PACRGL: variants seen among roughly 807,000 people sequenced by gnomAD.
PACRGL encodes parkin coregulated like, also known as PACRG-like protein.
PACRGL carries 38 observed loss-of-function variants against 34.5 expected under a neutral mutation model. The ratio of observed to expected loss-of-function variants is 1.10; its 90% confidence interval spans 0.85 to 1.44. The LOEUF (loss-of-function observed/expected upper bound fraction) is 1.44, where lower values mean the gene tolerates loss of function less well. Ranked by LOEUF, PACRGL falls within the 40% of genes most tolerant of loss-of-function variation. The probability of loss-of-function intolerance (pLI) is 0.00; values close to 1 mark genes in which losing one functional copy is unlikely to be tolerated. For synonymous variants in PACRGL, 128 were observed against 100.1 expected (o/e 1.28, Z -1.66); for missense variants, 305 against 281.4 (o/e 1.08, Z -0.60).
intron 7 of PACRGL, among the ~76,000 whole-genome samples, chr4:20,724,044 T>C (rs962244918): frequency 2.6e-5 from 4 of 152,212 alleles, no homozygotes; most frequent in Non-Finnish European, 5.9e-5. Flanking sequence ...ATTATTCTTC[T>C]AGAAAAAGTT....
intron 1 of PACRGL, chr4:20,701,598 A>G (rs73240221): frequency 0.041 from 11,675 of 282,238 alleles, 336 homozygotes; most frequent in Middle Eastern, 0.059. Context: ...AGGGTTACCA[A>G]GGATAAGATT....
In PACRGL at chr4:20,741,127, C is replaced by CT. The variant is rs535180020; in HGVS notation, c.*57-11435dup. ...ACTCCCACACAATAATAATGGGAGG[C>CT]TTTAACACCCCACTGTCAGCATTAC... On this transcript the variant is annotated intron_variant, in intron 8 of 8. Transcript: ENST00000507634. Among the ~76,000 whole-genome samples, 354 of 152,250 alleles carry CT rather than the reference C, an allele frequency of 2.3e-3. 8 individuals carry two copies. In the South Asian group the frequency reaches 0.046, roughly 20 times the overall value.
upstream of PACRGL, among the ~76,000 whole-genome samples, chr4:20,696,995 TA>T (rs1731271380): frequency 6.6e-6 from 1 of 152,210 alleles, no homozygotes; most frequent in African/African-American, 2.4e-5. Flanking sequence ...TTTCCACCTT[TA>T]AAAAATATGC....
downstream of PACRGL, among the ~76,000 whole-genome samples, chr4:20,754,444 G>A (rs907499665): frequency 6.6e-6 from 1 of 152,120 alleles, no homozygotes; most frequent in African/African-American, 2.4e-5. Context: ...ATGACTCCGT[G>A]GAAGTGTAAG....
chr4:20,713,854 C>T (rs554227587), intron 7 of PACRGL, among the ~76,000 whole-genome samples: 1 of 152,286 alleles, frequency 6.6e-6, no homozygotes, highest in African/African-American at 2.4e-5. Flanking sequence ...GCACTGTGGT[C>T]TGAGAGACAA....
In PACRGL at chr4:20,709,669, C is replaced by T; in HGVS notation, c.276-14C>T. 1 of 1,530,728 alleles carries T rather than the reference C, an allele frequency of 6.5e-7. No individual in the cohort carries two copies. The highest frequency in any genetic ancestry group is 2.3e-5 in the East Asian group (1 of 44,154). 94.8% of individuals were successfully genotyped at this position (1,530,728 alleles called of 1,614,324 possible). ...ATATTTTTCTTGTTGCATTCACTAA[C>T]TTTTATATTTTAGATTGGTACATGG... On this transcript the variant is annotated splice_polypyrimidine_tract_variant and intron_variant, in intron 4 of 8. Coordinates refer to ENST00000503585, the MANE Select transcript of PACRGL (RefSeq NM_001258345.3).
rs111965695 is a variant in PACRGL at position 20,730,436 on chromosome 4, A to C, written c.*3095A>C. Among the ~76,000 whole-genome samples the C allele has an allele frequency of 2.0e-5, 3 of 152,072 alleles. No homozygotes were observed. The highest frequency in any genetic ancestry group is 7.2e-5 in the African/African-American group (3 of 41,410). The stretch of plus-strand genomic sequence containing the variant: ...CATAATGCCAAAATGGAAACTACAG[A>C]GGTGCAGAGGTGTGTCAAAGCAAAT... On this transcript the variant is annotated 3_prime_UTR_variant, in exon 9 of 9. Transcript: ENST00000503585.
chr4:20,723,242 C>A (rs1348941911), intron 7 of PACRGL, among the ~76,000 whole-genome samples: 2 of 152,138 alleles, frequency 1.3e-5, no homozygotes, highest in Admixed American at 1.3e-4. Context: ...GGCTGACCAA[C>A]TACAGGAATT....
chr4:20,736,300 T>C (rs1272642641), downstream of PACRGL, among the ~76,000 whole-genome samples: 1 of 152,200 alleles, frequency 6.6e-6, no homozygotes, highest in Non-Finnish European at 1.5e-5. Context: ...TATATGTAAA[T>C]ACATCGTAGT....
downstream of PACRGL, among the ~76,000 whole-genome samples, chr4:20,757,634 C>T (rs1051027831): frequency 1.9e-4 from 29 of 152,116 alleles, no homozygotes; most frequent in African/African-American, 6.0e-4. Context: ...AATGTCATGT[C>T]CCTACTGCCT....
chr4:20,722,320 A>G (rs531787503), intron 7 of PACRGL, among the ~76,000 whole-genome samples: 3 of 152,156 alleles, frequency 2.0e-5, no homozygotes, highest in Non-Finnish European at 2.9e-5. Flanking sequence ...TTGGTGCGCT[A>G]TACCCGCTGT....
chr4:20,710,992 A>T (rs1251681769), intron 5 of PACRGL, among the ~76,000 whole-genome samples: 1 of 152,096 alleles, frequency 6.6e-6, no homozygotes, highest in East Asian at 1.9e-4. Flanking sequence ...GTTTGAGACC[A>T]GCCTGACCTA....
intron 8 of PACRGL, among the ~76,000 whole-genome samples, chr4:20,751,583 G>A (rs1476887594): frequency 6.6e-6 from 1 of 152,042 alleles, no homozygotes. Flanking sequence ...GCTTCATTAA[G>A]CAAGTCTCTA....
At chr4:20,732,822 A>G (rs770354942), downstream of PACRGL, 11 of 1,219,580 alleles carry the variant, frequency 9.0e-6, no homozygotes, top group Middle Eastern at 1.9e-4. Context: ...GGCTGCACAC[A>G]TGTATGAAGA....
intron 8 of PACRGL, among the ~76,000 whole-genome samples, chr4:20,740,698 T>C (rs1750849508): frequency 2.0e-5 from 3 of 152,146 alleles, no homozygotes; most frequent in African/African-American, 7.2e-5. Flanking sequence ...AACATCATAA[T>C]GACAGGATCA....
rs1193093008 is a variant in PACRGL at position 20,731,415 on chromosome 4, A to C, written c.*4074A>C. ...GTGGTTCTGCCCACACATCAAGTCA[A>C]ATAATTCTAAGTAAGCTAACACTGG... is the stretch of plus-strand genomic sequence containing the variant. On this transcript the variant is annotated 3_prime_UTR_variant, in exon 9 of 9. Transcript: ENST00000503585. 2 of 985,224 alleles carry C rather than the reference A, an allele frequency of 2.0e-6. No homozygotes were observed. Among genetic ancestry groups the C allele is most frequent in the Non-Finnish European group, 1.2e-6 (1 of 829,902 alleles). 61.0% of individuals were successfully genotyped at this position (985,224 alleles called of 1,614,324 possible).
chr4:20,740,103 G>A (rs561504505), intron 8 of PACRGL, among the ~76,000 whole-genome samples: 14 of 152,244 alleles, frequency 9.2e-5, no homozygotes, highest in Admixed American at 5.2e-4. Flanking sequence ...CCAAATCTAC[G>A]TCTGATTGGT....
intron 8 of PACRGL, among the ~76,000 whole-genome samples, chr4:20,744,883 G>C (rs1477745203): frequency 6.6e-6 from 1 of 152,166 alleles, no homozygotes; most frequent in Non-Finnish European, 1.5e-5. Context: ...GCTCCATGAT[G>C]TTCTGTGGAA....
At chr4:20,756,449 T>TATATA (rs2149354366), downstream of PACRGL, among the ~76,000 whole-genome samples, 1 of 152,232 alleles carries the variant, frequency 6.6e-6, no homozygotes, top group African/African-American at 2.4e-5. Context: ...TTACCAGTCT[T>TATATA]CCCTGTGTAT....
Sources: allele counts gnomAD v4.1 joint callset (sites outside exome capture counted in the v4.1 genomes callset), GRCh38; gene constraint gnomAD v4.1.1; transcripts MANE v1.5; gene names NCBI Gene and HGNC (gene_info 2026-07-23, HGNC 2026-07-21).